The following STX11 variants were observed in gnomAD, a reference collection of about 807,000 sequenced individuals.
The protein encoded by STX11 is syntaxin-11.
A neutral mutation model predicts 19.9 loss-of-function variants in STX11; 21 were observed. That is an observed-to-expected ratio of 1.06 (90% CI 0.75 to 1.52). The LOEUF is 1.52. STX11 is among the 40% of genes most tolerant of loss of function. The pLI is 0.00. For synonymous variants in STX11, 193 were observed against 174.4 expected, an observed-to-expected ratio of 1.11 and a Z score of -0.84; for missense variants, 438 against 405.9, an observed-to-expected ratio of 1.08 and a Z score of -0.68.
chr6:144,168,091 T>C (rs1039041479), intron 1 of STX11, among the ~76,000 whole-genome samples: 1 of 152,242 alleles, frequency 6.6e-6, no homozygotes, highest in Non-Finnish European at 1.5e-5. Context: ...TCAGTCTGTA[T>C]GTGCAAATTA....
upstream of STX11, among the ~76,000 whole-genome samples, chr6:144,146,554 C>T (rs924220638): frequency 1.3e-5 from 2 of 152,146 alleles, no homozygotes; most frequent in Non-Finnish European, 2.9e-5. This position sits in a 1 kb window ranked among gnomAD's most constrained non-coding sequence, Gnocchi z 4.4. Flanking sequence ...TCAAGTGACT[C>T]GCCCGCCTCG....
chr6:144,187,017 G>T lies in STX11; in HGVS notation c.390G>T (p.Ala130=), dbSNP rs544924911. The T allele has an allele frequency of 3.1e-6, 5 of 1,611,508 alleles. No individual in the cohort carries two copies. The South Asian group carries it at 4.4e-5, about 14-fold the overall frequency. The change falls in exon 2 of 2, where the codon GCG becomes GCT. Residue 130 remains alanine (A), a synonymous_variant. Coordinates refer to ENST00000367568, the MANE Select transcript of STX11 (RefSeq NM_003764.4). This position sits in a 1 kb window ranked among gnomAD's most constrained non-coding sequence, Gnocchi z 5.6. ...PHSAVARISR[A]QYNALTLTFQ... ...CGGCAGTGGCGCGCATTTCGCGGGC[G>T]CAGTACAACGCGCTCACCCTCACCT...
In STX11 at chr6:144,161,412, C is replaced by T. The variant is rs533374487; in HGVS notation, c.-6+10709C>T. Among the ~76,000 whole-genome samples the T allele has an allele frequency of 8.2e-4, 125 of 152,222 alleles. 1 individual carries two copies. Among genetic ancestry groups the T allele is most frequent in the Admixed American group, 2.6e-4 (4 of 15,284 alleles). On this transcript the variant is annotated intron_variant, in intron 1 of 1. Coordinates refer to ENST00000367568, the MANE Select transcript of STX11 (RefSeq NM_003764.4). ...TGAGACAAAGTCTCACTGTCGCCCA[C>T]GCTGGAGTGCAGTGGCATGATCTCA... is the stretch of plus-strand genomic sequence containing the variant.
rs1562672422 is a variant in STX11, at chr6:144,188,371, T to A, written c.*880T>A. 4.4e-6 allele frequency: 1 copy of A among 229,096 alleles called. No individual in the cohort carries two copies. The highest frequency in any genetic ancestry group is 9.4e-6 in the Non-Finnish European group (1 of 106,484). The allele number at this position is 229,096 out of a possible 1,614,324, so 14.2% of individuals were successfully genotyped here. On this transcript the variant is annotated 3_prime_UTR_variant, in exon 2 of 2. Coordinates refer to ENST00000367568, the MANE Select transcript of STX11 (RefSeq NM_003764.4). ...GTATATAAATTTCAAGACGAACACT[T>A]TTCTGGCTCTTGGTATTGGTTTGCT... is the stretch of plus-strand genomic sequence containing the variant.
chr6:144,163,137 A>G (rs937678063), intron 1 of STX11, among the ~76,000 whole-genome samples: 2 of 152,250 alleles, frequency 1.3e-5, no homozygotes, highest in Admixed American at 1.3e-4. Context: ...TTCCGTCTTT[A>G]AATGTGTTGT....
rs1345926034 is a variant in STX11 at position 144,175,095 on chromosome 6, C to T, written c.-5-11528C>T. Among the ~76,000 whole-genome samples the T allele has an allele frequency of 6.6e-6, 1 of 152,128 alleles. No homozygotes were observed. Among genetic ancestry groups the T allele is most frequent in the African/African-American group, 2.4e-5 (1 of 41,418 alleles). ...GAAACCCTGTCTCTACTAACAATGC[C>T]AGACATTAGCTGAGCATGGTGACAC... On this transcript the variant is annotated intron_variant, in intron 1 of 1. Transcript: ENST00000367568. This position sits in a 1 kb window ranked among gnomAD's most constrained non-coding sequence, Gnocchi z 5.1.
rs1287666999 is a variant in STX11, at chr6:144,191,913, A to G, written c.*4422A>G. 6.6e-6 allele frequency among the ~76,000 whole-genome samples: 1 copy of G among 152,234 alleles called. No individual in the cohort carries two copies. Among genetic ancestry groups the G allele is most frequent in the Non-Finnish European group, 1.5e-5 (1 of 68,028 alleles). On this transcript the variant is annotated 3_prime_UTR_variant, in exon 2 of 2. Transcript: ENST00000367568. Reference sequence around the variant, plus strand: ...GAAGCTTTTGTAAAGTCATGTGTCTATTGATAATAAAGATTTTCGGAACTG... The same window carrying G: ...GAAGCTTTTGTAAAGTCATGTGTCTGTTGATAATAAAGATTTTCGGAACTG...
chr6:144,168,583 CA>C (rs1242352018), intron 1 of STX11, among the ~76,000 whole-genome samples: 1 of 152,138 alleles, frequency 6.6e-6, no homozygotes, highest in Non-Finnish European at 1.5e-5. Context: ...GTAAGGAGGT[CA>C]TACATCATTT....
chr6:144,187,424 C>A lies in STX11; in HGVS notation c.797C>A (p.Ala266Asp). 2 of 1,611,790 alleles carry A rather than the reference C, an allele frequency of 1.2e-6. No homozygotes were observed. The highest frequency in any genetic ancestry group is 8.5e-7 in the Non-Finnish European group (1 of 1,179,964). ...TGQAKAQVRK[A>D]VQYEEKNPCR... ...CAGGCCAAGGCGCAGGTGCGGAAGG[C>A]CGTGCAGTACGAGGAGAAGAACCCC... The change falls in exon 2 of 2, where the codon GCC (alanine) becomes GAC (aspartate). Residue 266 changes from alanine (A) to aspartate (D), a missense_variant. Physicochemically the swap from Ala to Asp is moderately radical, Grantham distance 126. Transcript: ENST00000367568. The surrounding 1 kb of genome is among the most constrained non-coding windows in gnomAD (Gnocchi z 5.6).
upstream of STX11, among the ~76,000 whole-genome samples, chr6:144,148,728 T>G (rs578170420): frequency 6.6e-6 from 1 of 152,340 alleles, no homozygotes; most frequent in African/African-American, 2.4e-5. Flanking sequence ...GAGTTTCTTC[T>G]AGGCTGCGGC....
rs1177972326 is a variant in STX11 at position 144,167,440 on chromosome 6, A to G, written c.-6+16737A>G. ...ACATAGCCTGAAGATAATTGTATAC[A>G]ATGTTTTTAATAATATTGTGCATGA... On this transcript the variant is annotated intron_variant, in intron 1 of 1. Transcript: ENST00000367568. The surrounding 1 kb of genome is among the most constrained non-coding windows in gnomAD (Gnocchi z 5.0). Among the ~76,000 whole-genome samples the G allele has an allele frequency of 1.3e-5, 2 of 152,208 alleles. No individual in the cohort carries two copies. Among genetic ancestry groups the G allele is most frequent in the African/African-American group, 4.8e-5 (2 of 41,432 alleles).
chr6:144,142,824 A>G, the STX11 span, among the ~76,000 whole-genome samples: 1 of 152,206 alleles, frequency 6.6e-6, no homozygotes, highest in Non-Finnish European at 1.5e-5. Context: ...TAATGTTTAT[A>G]ACAGTTCTAT....
At position 144,191,374 on chromosome 6, in the gene STX11, A is replaced by G. The variant is rs1438569388; in HGVS notation, c.*3883A>G. Among the ~76,000 whole-genome samples, 2 of 151,168 alleles carry G rather than the reference A, an allele frequency of 1.3e-5. No individual in the cohort carries two copies. Among genetic ancestry groups the G allele is most frequent in the Non-Finnish European group, 2.9e-5 (2 of 67,880 alleles). ...TAATTTTATGGCCTTTTAAGGTAAC[A>G]ACTTAAAAAGAGAACAGTACTCTTT... On this transcript the variant is annotated 3_prime_UTR_variant, in exon 2 of 2. Coordinates refer to ENST00000367568, the MANE Select transcript of STX11 (RefSeq NM_003764.4).
At position 144,155,998 on chromosome 6, in the gene STX11, C is replaced by CTT. The variant is rs1277612226; in HGVS notation, c.-6+5297_-6+5298dup. On this transcript the variant is annotated intron_variant, in intron 1 of 1. Coordinates refer to ENST00000367568, the MANE Select transcript of STX11 (RefSeq NM_003764.4). This position sits in a 1 kb window ranked among gnomAD's most constrained non-coding sequence, Gnocchi z 4.5. ...TCTTTCTTTCTTTCTTTCTTTCTTT[C>CTT]TTTCTTTCTTTCTTTCTCTCTTTCT... 2.3e-5 allele frequency among the ~76,000 whole-genome samples: 3 copies of CTT among 130,046 alleles called. No individual in the cohort carries two copies. Among genetic ancestry groups the CTT allele is most frequent in the African/African-American group, 1.2e-4 (3 of 25,802 alleles). 85.3% of individuals were successfully genotyped at this position (130,046 alleles called of 152,430 possible). A position where few individuals can be genotyped will look rare whatever the true frequency, so the allele number is the denominator to read the frequency against.
upstream of STX11, among the ~76,000 whole-genome samples, chr6:144,146,367 TA>T (rs569216790): frequency 1.2e-4 from 18 of 152,370 alleles, no homozygotes; most frequent in East Asian, 2.7e-3. The surrounding 1 kb of genome is among the most constrained non-coding windows in gnomAD (Gnocchi z 4.4). Flanking sequence ...GAGAAATTTA[TA>T]AAACAAGAAT....
rs1307719620 is a variant in STX11, at chr6:144,152,079, A to G, written c.-6+1376A>G. Among the ~76,000 whole-genome samples, 1 of 152,212 alleles carries G rather than the reference A, an allele frequency of 6.6e-6. No homozygotes were observed. Among genetic ancestry groups the G allele is most frequent in the Non-Finnish European group, 1.5e-5 (1 of 68,042 alleles). ...AATAGGATCCTGCCGGCAAGGTACT[A>G]GGGTAAATCTATACCCAGAGTGAAG... On this transcript the variant is annotated intron_variant, in intron 1 of 1. Coordinates refer to ENST00000367568, the MANE Select transcript of STX11 (RefSeq NM_003764.4). The surrounding 1 kb of genome is among the most constrained non-coding windows in gnomAD (Gnocchi z 4.9).
In STX11 at chr6:144,184,336, T is replaced by G. The variant is rs539444686; in HGVS notation, c.-5-2287T>G. 1.2e-4 allele frequency among the ~76,000 whole-genome samples: 18 copies of G among 152,336 alleles called. No homozygotes were observed. The South Asian group carries it at 2.7e-3, about 23-fold the overall frequency. On this transcript the variant is annotated intron_variant, in intron 1 of 1. Transcript: ENST00000367568. The surrounding 1 kb of genome is among the most constrained non-coding windows in gnomAD (Gnocchi z 6.5). ...ACCAACAGTGTAAAAGCATTCCTAT[T>G]TCTTCACAACCACCATCAGCATCTG...
rs185262387 is a variant in STX11, at chr6:144,169,438, C to A, written c.-5-17185C>A. Among the ~76,000 whole-genome samples the A allele has an allele frequency of 2.0e-5, 3 of 152,236 alleles. No homozygotes were observed. The highest frequency in any genetic ancestry group is 4.8e-5 in the African/African-American group (2 of 41,542). On this transcript the variant is annotated intron_variant, in intron 1 of 1. Transcript: ENST00000367568. The surrounding 1 kb of genome is among the most constrained non-coding windows in gnomAD (Gnocchi z 5.2). ...GATGCTGTGTCTTTTCTAAAATTTC[C>A]GTAACCAGCCTTTTGATTATTTACA...
At chr6:144,185,676 C>T (rs920747484) in intron 1 of STX11, among the ~76,000 whole-genome samples, 2 of 152,122 alleles carry the variant, frequency 1.3e-5, no homozygotes, top group Non-Finnish European at 2.9e-5. Context: ...AGTATTGCTA[C>T]TAGGCCACGT....
Sources: allele counts gnomAD v4.1 joint callset (sites outside exome capture counted in the v4.1 genomes callset), GRCh38; gene constraint gnomAD v4.1.1; non-coding constraint Gnocchi (gnomAD v3.1); transcripts MANE v1.5; gene names NCBI Gene and HGNC (gene_info 2026-07-23, HGNC 2026-07-21).